DCHS1: variants seen among roughly 807,000 people sequenced by gnomAD.
DCHS1 encodes the protein protocadherin-16.
Under a neutral mutation model 213.9 loss-of-function variants are expected in DCHS1, and 78 were observed. The ratio of observed to expected loss-of-function variants is 0.36; its 90% CI spans 0.30 to 0.44. The LOEUF is 0.44. Ranked by LOEUF, DCHS1 falls within the 20% of genes least tolerant of loss-of-function variation. The pLI is 1.00. For synonymous variants in DCHS1, 1,828 were observed against 1,873.7 expected (o/e 0.98, Z 0.63); for missense variants, 3,946 against 4,395.9 (o/e 0.90, Z 2.89).
intron 1 of DCHS1, among the ~76,000 whole-genome samples, chr11:6,646,789 T>C (rs959444727): frequency 1.1e-4 from 16 of 152,096 alleles, no homozygotes; most frequent in East Asian, 1.9e-4. Flanking sequence ...AGACTGTTCA[T>C]TGGGGCCTGA....
rs751152661 is a variant in DCHS1, at chr11:6,626,329, C to T, written c.6416G>A (p.Arg2139Gln). 45 of 1,613,472 alleles carry T rather than the reference C, an allele frequency of 2.8e-5. No homozygotes were observed. Among genetic ancestry groups the T allele is most frequent in the Middle Eastern group, 3.3e-4 (2 of 6,084 alleles). ...AEGLDFEVSP[R>Q]LRLVLQAESG... ...CTCTGCCTGCAGCACCAGTCGCAGC[C>T]GTGGACTCACCTCGAAGTCTAGCCC... The change falls in exon 16 of 21, where the codon CGG (arginine) becomes CAG (glutamine). Residue 2139 changes from arginine (R) to glutamine (Q), a missense_variant. Around this residue, in one of 3 missense-constraint regions of DCHS1, gnomAD observed 3,384 missense variants for 3,780.1 expected, o/e 0.90. Transcript: ENST00000299441. The surrounding 1 kb of genome is among the most constrained non-coding windows in gnomAD (Gnocchi z 5.2).
chr11:6,623,713 T>G lies in DCHS1; in HGVS notation c.7963A>C (p.Ser2655Arg). Residue 2655 changes from serine (S) to arginine (R), a missense_variant, in exon 21 of 21, where the codon AGC becomes CGC. Ser to Arg is a moderately radical substitution (Grantham distance 110, BLOSUM62 -1). Transcript: ENST00000299441. ...TGGGCCAGTCGCAAGGTGCCTGAGC[T>G]CTCATCCAGCTCAAAGAGCCCTGAT... is the stretch of plus-strand genomic sequence containing the variant. ...DPSGLFELDE[S>R]SGTLRLAHAL... The G allele has an allele frequency of 6.2e-7, 1 of 1,613,786 alleles. No individual in the cohort carries two copies. Among genetic ancestry groups the G allele is most frequent in the African/African-American group, 1.3e-5 (1 of 75,042 alleles).
At chr11:6,633,170 A>G in intron 5 of DCHS1, 114 bp from the exon 6 acceptor site, 1 of 1,324,674 alleles carries the variant, frequency 7.5e-7, no homozygotes, top group Non-Finnish European at 1.0e-6. Context: ...GCCTTTCAAA[A>G]TATTAGGAGG....
chr11:6,640,172 G>A lies in DCHS1; in HGVS notation c.1442C>T (p.Pro481Leu). The A allele has an allele frequency of 1.2e-6, 2 of 1,613,768 alleles. No homozygotes were observed. The highest frequency in any genetic ancestry group is 2.2e-5 in the South Asian group (2 of 91,030). The change falls in exon 2 of 21, where the codon CCC (proline) becomes CTC (leucine). Residue 481 changes from proline (P) to leucine (L), a missense_variant. Around this residue, in one of 3 missense-constraint regions of DCHS1, gnomAD observed 3,384 missense variants for 3,780.1 expected, o/e 0.90. Transcript: ENST00000299441. This position sits in a 1 kb window ranked among gnomAD's most constrained non-coding sequence, Gnocchi z 6.5. ...AFDRQLYRPE[P>L]LPEVALPGSF... is the part of the protein sequence containing the mutation. The stretch of plus-strand genomic sequence containing the variant: ...GCCAGGCAGCGCAACCTCAGGCAGG[G>A]GCTCAGGTCGGTAGAGCTGGCGGTC...
rs1181105846 is a variant in DCHS1 at position 6,623,806 on chromosome 11, C to A, written c.7870G>T (p.Val2624Leu). 2 of 1,613,922 alleles carry A rather than the reference C, an allele frequency of 1.2e-6. No individual in the cohort carries two copies. The highest frequency in any genetic ancestry group is 1.3e-5 in the African/African-American group (1 of 75,066). Residue 2624 changes from valine (V) to leucine (L), a missense_variant, in exon 21 of 21, where the codon GTA (valine) becomes TTA (leucine). This residue lies in a region of DCHS1 where 3,384 missense variants were observed against 3,780.1 expected (regional missense o/e 0.90). Transcript: ENST00000299441. ...CCAGGGTCAGCGTCAGAGGCCTCTACATGCAGCAGCTCAGCTCCAACAGGT... is the reference window on the plus strand; with the variant it reads ...CCAGGGTCAGCGTCAGAGGCCTCTAAATGCAGCAGCTCAGCTCCAACAGGT... ...DTPVGAELLH[V>L]EASDADPGPH...
chr11:6,639,680 C>G, intron 2 of DCHS1, 137 bp downstream of exon 2: 1 of 749,612 alleles, frequency 1.3e-6, no homozygotes, highest in South Asian at 2.0e-5. Flanking sequence ...GATTTTGGAG[C>G]TTACAACATA....
At position 6,633,806 on chromosome 11, in the gene DCHS1, G is replaced by T. The variant is rs755413358; in HGVS notation, c.2201C>A (p.Thr734Asn). ...ILAGNSPPLF[T>N]LDEQSGLLTV... The stretch of plus-strand genomic sequence containing the variant: ...ATCCTCACCTGATTGCTCATCCAAG[G>T]TAAAAAGTGGGGGGCTGTTGCCAGC... Residue 734 changes from threonine to asparagine, a missense_variant, in exon 4 of 21, where the codon ACC becomes AAC. Around this residue, in one of 3 missense-constraint regions of DCHS1, gnomAD observed 3,384 missense variants for 3,780.1 expected, o/e 0.90. Coordinates refer to ENST00000299441, the MANE Select transcript of DCHS1 (RefSeq NM_003737.4). 9.9e-6 allele frequency: 16 copies of T among 1,613,622 alleles called. No homozygotes were observed. Among genetic ancestry groups the T allele is most frequent in the Non-Finnish European group, 1.4e-5 (16 of 1,179,866 alleles).
At position 6,640,887 on chromosome 11, in the gene DCHS1, C is replaced by T. The variant is rs370993279; in HGVS notation, c.727G>A (p.Val243Met). ...TGGTCATTGATGTCCAGCAGTGTCA[C>T]GTCCAGCAGGGCCTGGGCCCTCCGG... The part of the protein sequence containing the change: ...PPRRAQALLD[V>M]TLLDINDHAP... The change falls in exon 2 of 21, where the codon GTG (valine) becomes ATG (methionine). Residue 243 changes from valine (V) to methionine (M), a missense_variant. Physicochemically the swap from Val to Met is conservative, Grantham distance 21 (BLOSUM62 1). This residue lies in a region of DCHS1 where 3,384 missense variants were observed against 3,780.1 expected (regional missense o/e 0.90). Transcript: ENST00000299441. This position sits in a 1 kb window ranked among gnomAD's most constrained non-coding sequence, Gnocchi z 6.5. 30 of 1,613,930 alleles carry T rather than the reference C, an allele frequency of 1.9e-5. No homozygotes were observed. The highest frequency in any genetic ancestry group is 1.6e-5 in the Non-Finnish European group (19 of 1,179,896).
chr11:6,622,684 G>A lies in DCHS1; in HGVS notation c.8992C>T (p.Pro2998Ser). Residue 2998 changes from proline to serine, a missense_variant, in exon 21 of 21, where the codon CCC (proline) becomes TCC (serine). By Grantham distance (74) the Pro-to-Ser change is moderately conservative. Coordinates refer to ENST00000299441, the MANE Select transcript of DCHS1 (RefSeq NM_003737.4). This position sits in a 1 kb window ranked among gnomAD's most constrained non-coding sequence, Gnocchi z 5.4. The part of the protein sequence containing the change: ...KLGREPPSPP[P>S]SEHLYHQTLP... ...GTCTGGTGATAGAGGTGCTCAGAGG[G>A]TGGTGGACTAGGTGGCTCCCGGCCC... 1 of 1,594,314 alleles carries A rather than the reference G, an allele frequency of 6.3e-7. No homozygotes were observed. The highest frequency in any genetic ancestry group is 1.7e-5 in the Admixed American group (1 of 57,204).
Position 6,631,339 on chromosome 11 carries a change from C to T in DCHS1, c.3744G>A (p.Glu1248=). The change falls in exon 8 of 21, where the codon GAG becomes GAA. Residue 1248 remains glutamate, a synonymous_variant. Transcript: ENST00000299441. ...TTAGCGTGTACAAGATGGTCCCATT[C>T]TCCCCCTCATCTGGATCCTTCGCCT... The part of the protein sequence containing the change: ...TLQAKDPDEG[E]NGTILYTLTG... 2 of 1,613,948 alleles carry T rather than the reference C, an allele frequency of 1.2e-6. No individual in the cohort carries two copies. Among genetic ancestry groups the T allele is most frequent in the Non-Finnish European group, 1.7e-6 (2 of 1,179,814 alleles).
At position 6,631,832 on chromosome 11, in the gene DCHS1, A is replaced by G. The variant is rs1458708454; in HGVS notation, c.3482-23T>C. On this transcript the variant is annotated intron_variant, in intron 6 of 20. Coordinates refer to ENST00000299441, the MANE Select transcript of DCHS1 (RefSeq NM_003737.4). ...CTCCTGGGAGTGCAAGAAGGCGATC[A>G]TGTACGAGATGTTTAAGGATGCAGA... The G allele has an allele frequency of 4.0e-6, 6 of 1,507,000 alleles. No individual in the cohort carries two copies. The South Asian group carries it at 5.5e-5, about 14-fold the overall frequency. The allele number at this position is 1,507,000 out of a possible 1,614,324, so 93.4% of individuals were successfully genotyped here. A position where few individuals can be genotyped will look rare whatever the true frequency, so the allele number is the denominator to read the frequency against.
chr11:6,641,620 G>A lies in DCHS1; in HGVS notation c.-7C>T. 1 of 1,536,862 alleles carries A rather than the reference G, an allele frequency of 6.5e-7. No individual in the cohort carries two copies. Among genetic ancestry groups the A allele is most frequent in the Non-Finnish European group, 8.8e-7 (1 of 1,137,746 alleles). ...TGCCCAGCTCCTTCTGCATGACAAG[G>A]GTAGTCCAGCTGTGCCTTGGGCTCC... On this transcript the variant is annotated 5_prime_UTR_variant, in exon 2 of 21. Transcript: ENST00000299441. This position sits in a 1 kb window ranked among gnomAD's most constrained non-coding sequence, Gnocchi z 7.1.
rs1279375244 is a variant in DCHS1 at position 6,624,724 on chromosome 11, A to T, written c.7285+6T>A. On this transcript the variant is annotated splice_donor_region_variant and intron_variant, in intron 20 of 20. Coordinates refer to ENST00000299441, the MANE Select transcript of DCHS1 (RefSeq NM_003737.4). ...AGGCAAGGGGCAGATCCTGGGAAAGACGCACCATTGTTGGGGTCAACACTG... is the reference window on the plus strand; with the variant it reads ...AGGCAAGGGGCAGATCCTGGGAAAGTCGCACCATTGTTGGGGTCAACACTG... 15 of 1,613,926 alleles carry T rather than the reference A, an allele frequency of 9.3e-6. No individual in the cohort carries two copies. Among genetic ancestry groups the T allele is most frequent in the Middle Eastern group, 1.6e-4 (1 of 6,062 alleles).
chr11:6,636,360 C>A (rs999533441), intron 2 of DCHS1, among the ~76,000 whole-genome samples: 2 of 151,998 alleles, frequency 1.3e-5, no homozygotes, highest in African/African-American at 2.4e-5. Flanking sequence ...CAGGCGTGCA[C>A]CACCATGCCT....
Position 6,625,691 on chromosome 11 carries a change from G to A in DCHS1, c.6768C>T (p.Ala2256=), listed in dbSNP as rs1445480700. Residue 2256 remains alanine, a synonymous_variant, in exon 18 of 21, where the codon GCC becomes GCT. Coordinates refer to ENST00000299441, the MANE Select transcript of DCHS1 (RefSeq NM_003737.4). The surrounding 1 kb of genome is among the most constrained non-coding windows in gnomAD (Gnocchi z 5.3). The stretch of plus-strand genomic sequence containing the variant: ...CCGTCAAGGTAGCTGAGCCCACCAG[G>A]GCTGGGCTCCCTCTGTCTGTGGCCA... ...VLMATDRGSP[A]LVGSATLTVM... 1.2e-6 allele frequency: 2 copies of A among 1,611,172 alleles called. No homozygotes were observed. The highest frequency in any genetic ancestry group is 1.7e-6 in the Non-Finnish European group (2 of 1,178,910).
chr11:6,627,191 C>G lies in DCHS1; in HGVS notation c.5848G>C (p.Val1950Leu). 6.2e-7 allele frequency: 1 copy of G among 1,613,020 alleles called. No individual in the cohort carries two copies. The change falls in exon 14 of 21, where the codon GTG becomes CTG. Residue 1950 changes from valine to leucine, a missense_variant. Transcript: ENST00000299441. The surrounding 1 kb of genome is among the most constrained non-coding windows in gnomAD (Gnocchi z 5.4). ...LSTTVSVTIT[V>L]RDVNDHAPTF... ...GGTGCATGGTCATTGACATCGCGCA[C>G]CGTGATGGTGACAGACACTGTGGTG...
rs1413699254 is a variant in DCHS1, at chr11:6,630,088, G to A, written c.4706C>T (p.Ala1569Val). 6.3e-7 allele frequency: 1 copy of A among 1,594,894 alleles called. No homozygotes were observed. The highest frequency in any genetic ancestry group is 1.1e-5 in the South Asian group (1 of 89,922). Residue 1569 changes from alanine (A) to valine (V), a missense_variant, in exon 10 of 21, where the codon GCC (alanine) becomes GTC (valine). Around this residue, in one of 3 missense-constraint regions of DCHS1, gnomAD observed 3,384 missense variants for 3,780.1 expected, o/e 0.90. Coordinates refer to ENST00000299441, the MANE Select transcript of DCHS1 (RefSeq NM_003737.4). ...PPGPAALHVV[A>V]RDPDLGEAAR... ...AGCCTCGCCCAGATCCGGGTCCCGG[G>A]CTACCACGTGCAGGGCCGCGGGCCC...
In DCHS1 at chr11:6,631,757, C is replaced by A; in HGVS notation, c.3534G>T (p.Gln1178His). ...CTCCATCCTGCACCTGCACCAGGAGCTGATAGCTGCTCTGCTGCTCACGGT... is the reference window on the plus strand; with the variant it reads ...CTCCATCCTGCACCTGCACCAGGAGATGATAGCTGCTCTGCTGCTCACGGT... The part of the protein sequence containing the change: ...TLDREQQSSY[Q>H]LLVQVQDGGS... The change falls in exon 7 of 21, where the codon CAG (glutamine) becomes CAT (histidine). Residue 1178 changes from glutamine to histidine, a missense_variant. Physicochemically the swap from Gln to His is conservative, Grantham distance 24. This residue lies in a region of DCHS1 where 3,384 missense variants were observed against 3,780.1 expected (regional missense o/e 0.90). Transcript: ENST00000299441. 6.3e-7 allele frequency: 1 copy of A among 1,597,844 alleles called. No homozygotes were observed. Among genetic ancestry groups the A allele is most frequent in the Non-Finnish European group, 8.5e-7 (1 of 1,172,254 alleles).
In DCHS1 at chr11:6,626,970, G is replaced by C. The variant is rs754223124; in HGVS notation, c.6069C>G (p.Ala2023=). 2.5e-6 allele frequency: 4 copies of C among 1,613,738 alleles called. No homozygotes were observed. The South Asian group carries it at 3.3e-5, about 13-fold the overall frequency. Residue 2023 remains alanine, a synonymous_variant, in exon 14 of 21, where the codon GCC becomes GCG. Transcript: ENST00000299441. The surrounding 1 kb of genome is among the most constrained non-coding windows in gnomAD (Gnocchi z 5.2). The part of the protein sequence containing the change: ...VDSYTGEIRV[A]RSPVALGPRD... ...GGGGGCCTAGAGCTACAGGAGAGCG[G>C]GCCACGCGGATTTCACCAGTGTAAG...
Sources: allele counts gnomAD v4.1 joint callset (sites outside exome capture counted in the v4.1 genomes callset), GRCh38; gene constraint gnomAD v4.1.1; regional missense constraint gnomAD v4.1.1; non-coding constraint Gnocchi (gnomAD v3.1); transcripts MANE v1.5; gene names NCBI Gene and HGNC (gene_info 2026-07-23, HGNC 2026-07-21).